The following SPOCK1 variants were observed in gnomAD, a reference collection of about 807,000 sequenced individuals.
SPOCK1 encodes SPARC (osteonectin), cwcv and kazal like domains proteoglycan 1.
A neutral mutation model predicts 55.3 loss-of-function variants in SPOCK1; 23 were observed. The ratio of observed to expected loss-of-function variants is 0.42; its 90% CI spans 0.30 to 0.59. SPOCK1 has a LOEUF of 0.59. SPOCK1 is among the 20% of genes least tolerant of loss of function. The probability of loss-of-function intolerance (pLI) is 0.22; values close to 1 mark genes in which losing one functional copy is unlikely to be tolerated. For missense variants in SPOCK1, 499 were observed against 552.5 expected (o/e 0.90, Z 0.97); for synonymous variants, 226 against 221.0 (o/e 1.02, Z -0.20).
At chr5:137,384,741 C>G (rs1751564069) in intron 2 of SPOCK1, among the ~76,000 whole-genome samples, 1 of 152,052 alleles carries the variant, frequency 6.6e-6, no homozygotes, top group Non-Finnish European at 1.5e-5. Context: ...CTCCCTCCAA[C>G]TGCACATGGC....
chr5:137,231,840 T>C (rs939835125), intron 3 of SPOCK1, among the ~76,000 whole-genome samples: 13 of 152,250 alleles, frequency 8.5e-5, no homozygotes, highest in African/African-American at 2.9e-4. Context: ...ACAGGAGTTA[T>C]TCAGTTTCTC....
At chr5:137,406,819 AAAT>A (rs990712405) in intron 2 of SPOCK1, among the ~76,000 whole-genome samples, 3 of 152,222 alleles carry the variant, frequency 2.0e-5, no homozygotes, top group Non-Finnish European at 2.9e-5. Flanking sequence ...TGTAAAATGG[AAAT>A]AATAATAGCA....
chr5:137,055,711 C>T (rs571841209), intron 6 of SPOCK1, among the ~76,000 whole-genome samples: 21 of 152,308 alleles, frequency 1.4e-4, no homozygotes, highest in Middle Eastern at 3.4e-3. Context: ...GATGCTACAC[C>T]TCTGTCATCA....
chr5:136,978,562 G>A lies in SPOCK1; in HGVS notation c.*92C>T, dbSNP rs1750661230. ...GTATAGAGAGCAACAATGGAGAAGA[G>A]ACCTTGGTGCCTTGGAGTCTTAGAT... On this transcript the variant is annotated 3_prime_UTR_variant, in exon 11 of 11. Transcript: ENST00000394945. 5.1e-6 allele frequency: 7 copies of A among 1,383,414 alleles called. No homozygotes were observed. The highest frequency in any genetic ancestry group is 6.9e-6 in the Non-Finnish European group (7 of 1,017,594). 85.7% of individuals were successfully genotyped at this position (1,383,414 alleles called of 1,614,324 possible). A position where few individuals can be genotyped will look rare whatever the true frequency, so the allele number is the denominator to read the frequency against.
At chr5:137,403,661 T>C (rs1179275911) in intron 2 of SPOCK1, among the ~76,000 whole-genome samples, 3 of 119,142 alleles carry the variant, frequency 2.5e-5, no homozygotes, top group Non-Finnish European at 5.1e-5. Context: ...AGTGAGAGAA[T>C]TGGCCAAGCA....
intron 2 of SPOCK1, among the ~76,000 whole-genome samples, chr5:137,286,716 C>T (rs1367395046): frequency 6.6e-6 from 1 of 152,150 alleles, no homozygotes; most frequent in East Asian, 1.9e-4. Flanking sequence ...TAGGTGAAGC[C>T]AGTGACAGGG....
chr5:137,099,393 T>C (rs928887050), intron 5 of SPOCK1, among the ~76,000 whole-genome samples: 1 of 152,150 alleles, frequency 6.6e-6, no homozygotes, highest in African/African-American at 2.4e-5. Flanking sequence ...GATTGGTTTA[T>C]GTCTGTGTCC....
At chr5:137,084,377 A>G (rs934973189) in intron 5 of SPOCK1, among the ~76,000 whole-genome samples, 24 of 151,986 alleles carry the variant, frequency 1.6e-4, no homozygotes, top group Non-Finnish European at 4.4e-5. Flanking sequence ...TGCACTGCCT[A>G]TAACTTCCCA....
At chr5:137,210,111 C>G (rs965712129) in intron 3 of SPOCK1, among the ~76,000 whole-genome samples, 3 of 152,164 alleles carry the variant, frequency 2.0e-5, no homozygotes, top group African/African-American at 7.2e-5. Flanking sequence ...ACACTTCACC[C>G]TGTTATACAT....
intron 3 of SPOCK1, among the ~76,000 whole-genome samples, chr5:137,149,795 T>C (rs1298782525): frequency 6.6e-6 from 1 of 152,188 alleles, no homozygotes; most frequent in Non-Finnish European, 1.5e-5. Context: ...ACCTAGAAGA[T>C]AAGAACCCAA....
At chr5:137,311,530 C>G (rs1212359202) in intron 2 of SPOCK1, among the ~76,000 whole-genome samples, 1 of 152,200 alleles carries the variant, frequency 6.6e-6, no homozygotes, top group Non-Finnish European at 1.5e-5. Context: ...TCTTCATCTG[C>G]AAGCATAAGT....
chr5:137,417,987 ATG>A (rs1752382493), intron 2 of SPOCK1, among the ~76,000 whole-genome samples: 1 of 151,850 alleles, frequency 6.6e-6, no homozygotes, highest in African/African-American at 2.4e-5. Context: ...CTGGTGTGTG[ATG>A]TTCCCCTTCC....
intron 6 of SPOCK1, among the ~76,000 whole-genome samples, chr5:137,034,929 G>C (rs1751852501): frequency 6.6e-6 from 1 of 152,222 alleles, no homozygotes; most frequent in Admixed American, 6.5e-5. Flanking sequence ...GGGCGGCCCA[G>C]AGGGGTCCAG....
At chr5:137,214,782 A>T (rs1755683026) in intron 3 of SPOCK1, among the ~76,000 whole-genome samples, 1 of 152,206 alleles carries the variant, frequency 6.6e-6, no homozygotes, top group Admixed American at 6.5e-5. Flanking sequence ...TAAAGAAAGT[A>T]CCTGAATGAG....
At chr5:137,376,857 G>C (rs1751330488) in intron 2 of SPOCK1, among the ~76,000 whole-genome samples, 1 of 152,200 alleles carries the variant, frequency 6.6e-6, no homozygotes. Context: ...AGTATGAGTG[G>C]AAGGACCATG....
At chr5:137,494,555 C>A (rs983047466) in intron 2 of SPOCK1, among the ~76,000 whole-genome samples, 1 of 152,150 alleles carries the variant, frequency 6.6e-6, no homozygotes, top group Non-Finnish European at 1.5e-5. Context: ...CTGGCACACT[C>A]GATGCTCCAT....
chr5:137,490,853 C>T (rs1323186644), intron 2 of SPOCK1, among the ~76,000 whole-genome samples: 2 of 152,098 alleles, frequency 1.3e-5, no homozygotes, highest in Admixed American at 6.5e-5. Context: ...CATATGGAAC[C>T]TCACACAGCC....
Position 137,280,877 on chromosome 5 carries a change from G to C in SPOCK1, c.187-13822C>G, listed in dbSNP as rs890661768. On this transcript the variant is annotated intron_variant, in intron 2 of 10. Transcript: ENST00000394945. ...GGTGCACCAATCCCCTCCTCCCAGC[G>C]CTCAGAGGCCTGCAAAGGAAGGACA... Among the ~76,000 whole-genome samples, 2 of 152,044 alleles carry C rather than the reference G, an allele frequency of 1.3e-5. 1 individual carries two copies. Among genetic ancestry groups the C allele is most frequent in the South Asian group, 4.2e-4 (2 of 4,812 alleles).
At chr5:137,299,541 T>C (rs1757547112) in intron 2 of SPOCK1, among the ~76,000 whole-genome samples, 1 of 152,080 alleles carries the variant, frequency 6.6e-6, no homozygotes, top group African/African-American at 2.4e-5. Context: ...ACAACTGTCT[T>C]TTAGCCTGAA....
Sources: gnomAD v4.1 joint callset for allele counts (sites outside exome capture counted in the v4.1 genomes callset) on GRCh38, gnomAD v4.1.1 for gene constraint, MANE v1.5 for transcripts, NCBI Gene and HGNC (gene_info 2026-07-23, HGNC 2026-07-21) for gene names.